The following CLIP1 variants were observed in gnomAD, a reference collection of about 807,000 sequenced individuals.
CLIP1 encodes the protein CAP-Gly domain containing linker protein 1.
A neutral mutation model predicts 161.6 loss-of-function variants in CLIP1; 66 were observed. The observed-to-expected ratio is 0.41, with a 90% CI of 0.33 to 0.50. CLIP1 has a LOEUF of 0.50. Ranked by LOEUF, CLIP1 falls within the 20% of genes least tolerant of loss-of-function variation. The pLI is 0.27. For missense variants in CLIP1, 1,376 were observed against 1,702.0 expected (o/e 0.81, Z 3.37); for synonymous variants, 598 against 626.2 (o/e 0.96, Z 0.67).
At chr12:122,404,653 T>C (rs1183006529) in intron 1 of CLIP1, among the ~76,000 whole-genome samples, 1 of 141,786 alleles carries the variant, frequency 7.1e-6, no homozygotes, top group South Asian at 2.3e-4. Flanking sequence ...TCCCAGCACT[T>C]TGGGAGGCCG....
At chr12:122,394,967 G>A (rs1377906448) in intron 1 of CLIP1, among the ~76,000 whole-genome samples, 5 of 152,102 alleles carry the variant, frequency 3.3e-5, no homozygotes, top group Non-Finnish European at 7.4e-5. Context: ...ACTGAAACAG[G>A]TATAAACAGC....
chr12:122,341,278 C>T lies in CLIP1; in HGVS notation c.1926G>A (p.Lys642=). 6.2e-7 allele frequency: 1 copy of T among 1,613,968 alleles called. No individual in the cohort carries two copies. The highest frequency in any genetic ancestry group is 8.5e-7 in the Non-Finnish European group (1 of 1,179,924). ...ASHQQAMEEL[K]VSFSKGLGTE... is the part of the protein sequence containing the mutation. ...TTCCAAGCCCTTTGCTGAAAGATACCTTCAGTTCTTCCATCGCCTGCTGGT... is the reference window on the plus strand; with the variant it reads ...TTCCAAGCCCTTTGCTGAAAGATACTTTCAGTTCTTCCATCGCCTGCTGGT... The change falls in exon 11 of 26, where the codon AAG becomes AAA. Residue 642 remains lysine (K), a synonymous_variant. Transcript: ENST00000620786.
At chr12:122,357,246 C>T (rs1233461806) in intron 5 of CLIP1, among the ~76,000 whole-genome samples, 6 of 151,350 alleles carry the variant, frequency 4.0e-5, no homozygotes, top group East Asian at 2.0e-4. Context: ...GCCTCTGCCC[C>T]GCTGCCCCAT....
intron 17 of CLIP1, among the ~76,000 whole-genome samples, chr12:122,324,494 T>C (rs1317374377): frequency 6.6e-6 from 1 of 152,116 alleles, no homozygotes; most frequent in Admixed American, 6.5e-5. Context: ...ATTTCTACAA[T>C]AAACTTTATA....
intron 20 of CLIP1, among the ~76,000 whole-genome samples, chr12:122,305,929 C>G (rs2136464992): frequency 6.6e-6 from 1 of 151,548 alleles, no homozygotes; most frequent in South Asian, 2.1e-4. Context: ...TTAGCCAGGC[C>G]TGGTGGCACG....
intron 20 of CLIP1, among the ~76,000 whole-genome samples, chr12:122,293,283 C>T (rs1592994298): frequency 2.6e-5 from 4 of 152,104 alleles, no homozygotes; most frequent in South Asian, 4.1e-4. Context: ...CACTGAGATA[C>T]ACTCCACATG....
intron 1 of CLIP1, among the ~76,000 whole-genome samples, chr12:122,411,936 G>C (rs58388699): frequency 0.027 from 4,124 of 151,764 alleles, 205 homozygotes; most frequent in African/African-American, 0.095. Flanking sequence ...AAAAACCACT[G>C]AATTGTATAC....
At chr12:122,403,009 G>A (rs1219920527) in intron 1 of CLIP1, among the ~76,000 whole-genome samples, 1 of 152,082 alleles carries the variant, frequency 6.6e-6, no homozygotes, top group Non-Finnish European at 1.5e-5. Context: ...CACCAGGCTA[G>A]AATACATACT....
At chr12:122,314,060 A>C (rs1951168514) in intron 19 of CLIP1, among the ~76,000 whole-genome samples, 1 of 152,198 alleles carries the variant, frequency 6.6e-6, no homozygotes. Context: ...TGGGAGGCTG[A>C]GGCAGGCGGA....
At chr12:122,361,709 T>C (rs1027711166) in intron 4 of CLIP1, among the ~76,000 whole-genome samples, 1 of 151,914 alleles carries the variant, frequency 6.6e-6, no homozygotes, top group Non-Finnish European at 1.5e-5. Flanking sequence ...CTACAAAAAA[T>C]ACAAAAACTA....
At chr12:122,290,331 G>T (rs1956049040) in intron 20 of CLIP1, among the ~76,000 whole-genome samples, 1 of 151,992 alleles carries the variant, frequency 6.6e-6, no homozygotes, top group Non-Finnish European at 1.5e-5. Context: ...TTTGCTGCAT[G>T]ACTAATTCAC....
chr12:122,336,211 C>T lies in CLIP1; in HGVS notation c.2568+421G>A, dbSNP rs147809017. On this transcript the variant is annotated intron_variant, in intron 12 of 25. Transcript: ENST00000620786. ...TAATTAGACAGCAAGCATCCTGCCT[C>T]GCCAACAGAGGGCGCCTACGGCCCA... 3.0e-3 allele frequency among the ~76,000 whole-genome samples: 451 copies of T among 152,276 alleles called. 3 individuals carry two copies. Among genetic ancestry groups the T allele is most frequent in the African/African-American group, 0.01 (430 of 41,552 alleles).
chr12:122,317,797 A>G (rs966382464), intron 18 of CLIP1, among the ~76,000 whole-genome samples: 1 of 152,202 alleles, frequency 6.6e-6, no homozygotes, highest in Non-Finnish European at 1.5e-5. Flanking sequence ...ATTCCAGATT[A>G]ACAGAACAAG....
intron 20 of CLIP1, among the ~76,000 whole-genome samples, chr12:122,292,364 C>G (rs1459389865): frequency 6.6e-6 from 1 of 152,008 alleles, no homozygotes; most frequent in Non-Finnish European, 1.5e-5. Flanking sequence ...CGGTTATAAT[C>G]TATTATATCT....
intron 1 of CLIP1, among the ~76,000 whole-genome samples, chr12:122,390,538 C>G (rs1004290709): frequency 1.3e-5 from 2 of 151,492 alleles, no homozygotes; most frequent in Non-Finnish European, 2.9e-5. Context: ...TCTGGAACTC[C>G]TGGCCTCAAG....
At chr12:122,397,698 C>G (rs958442717) in intron 1 of CLIP1, among the ~76,000 whole-genome samples, 2 of 151,950 alleles carry the variant, frequency 1.3e-5, no homozygotes, top group Non-Finnish European at 2.9e-5. Context: ...TGGCTCACAC[C>G]TATAATCCCA....
intron 17 of CLIP1, among the ~76,000 whole-genome samples, chr12:122,326,780 GTC>G (rs1012180185): frequency 4.6e-5 from 7 of 151,910 alleles, no homozygotes; most frequent in Non-Finnish European, 1.0e-4. Flanking sequence ...AAAAACTGAA[GTC>G]TGCACAGATA....
rs1413408593 is a variant in CLIP1, at chr12:122,417,747, C to T, written c.-107+4774G>A. 3.3e-5 allele frequency among the ~76,000 whole-genome samples: 5 copies of T among 152,022 alleles called. No homozygotes were observed. In the East Asian group the frequency reaches 7.7e-4, roughly 24 times the overall value. On this transcript the variant is annotated intron_variant, in intron 1 of 25. Coordinates refer to ENST00000620786, the MANE Select transcript of CLIP1 (RefSeq NM_001247997.2). ...CAGGATGGTCTCAATCTCCTGACCT[C>T]GTGATCCACCCACCTCGGCCTCCCA...
At chr12:122,295,994 A>AT (rs780789493) in intron 20 of CLIP1, among the ~76,000 whole-genome samples, 1 of 152,222 alleles carries the variant, frequency 6.6e-6, no homozygotes, top group Non-Finnish European at 1.5e-5. Flanking sequence ...GTGGCTTTGA[A>AT]TATAAATTGC....
Sources: allele counts gnomAD v4.1 joint callset (sites outside exome capture counted in the v4.1 genomes callset), GRCh38; gene constraint gnomAD v4.1.1; transcripts MANE v1.5; gene names NCBI Gene and HGNC (gene_info 2026-07-23, HGNC 2026-07-21).